Variants in DMC1 observed in about 807,000 individuals in gnomAD.
The protein encoded by DMC1 is meiotic recombination protein DMC1 homolog.
Under a neutral mutation model 50.1 loss-of-function variants are expected in DMC1, and 27 were observed. The ratio of observed to expected loss-of-function variants is 0.54; its 90% CI spans 0.40 to 0.74. The LOEUF is 0.74. DMC1 is among the 30% of genes least tolerant of loss of function. The pLI is 0.00. For missense variants in DMC1, 295 were observed against 420.2 expected, an observed-to-expected ratio of 0.70 and a Z score of 2.60; for synonymous variants, 148 against 136.1, an observed-to-expected ratio of 1.09 and a Z score of -0.61.
the DMC1 span, among the ~76,000 whole-genome samples, chr22:38,510,939 AT>A: frequency 6.6e-6 from 1 of 152,162 alleles, no homozygotes; most frequent in African/African-American, 2.4e-5. Flanking sequence ...ATTCTAACTG[AT>A]ACACTCCTCA....
chr22:38,530,289 A>G (rs1184672483), intron 12 of DMC1, among the ~76,000 whole-genome samples: 1 of 151,918 alleles, frequency 6.6e-6, no homozygotes, highest in Non-Finnish European at 1.5e-5. Flanking sequence ...TTTTGGGAAG[A>G]TGGGGGAAAG....
At chr22:38,561,364 C>CT in intron 5 of DMC1, among the ~76,000 whole-genome samples, 1 of 151,980 alleles carries the variant, frequency 6.6e-6, no homozygotes, top group East Asian at 1.9e-4. Flanking sequence ...GACTCCATCT[C>CT]TTTTTTCCTC....
At chr22:38,556,208 T>C (rs2090467940) in intron 5 of DMC1, among the ~76,000 whole-genome samples, 1 of 152,162 alleles carries the variant, frequency 6.6e-6, no homozygotes, top group African/African-American at 2.4e-5. Context: ...TCAATGTTTT[T>C]TCTTTTTCTT....
intron 12 of DMC1, among the ~76,000 whole-genome samples, chr22:38,532,024 C>T (rs963994581): frequency 5.3e-5 from 8 of 152,168 alleles, no homozygotes; most frequent in Admixed American, 5.2e-4. Flanking sequence ...TGTTCCCTCC[C>T]GACACCTGAA....
At chr22:38,560,865 ATTATT>A (rs1209010745) in intron 5 of DMC1, among the ~76,000 whole-genome samples, 2 of 152,130 alleles carry the variant, frequency 1.3e-5, no homozygotes, top group African/African-American at 4.8e-5. Flanking sequence ...CCCTTCCCAT[ATTATT>A]TTAAGCATAT....
At chr22:38,545,471 G>A (rs988574689) in intron 8 of DMC1, among the ~76,000 whole-genome samples, 22 of 151,990 alleles carry the variant, frequency 1.4e-4, no homozygotes, top group African/African-American at 1.4e-4. Context: ...CGCCCAGGCC[G>A]GACTGCAGTG....
intron 12 of DMC1, among the ~76,000 whole-genome samples, chr22:38,535,492 T>C (rs1269489522): frequency 2.0e-5 from 3 of 151,798 alleles, no homozygotes; most frequent in African/African-American, 7.3e-5. Context: ...CCTAGATAAA[T>C]GAGTATGTCT....
intron 12 of DMC1, among the ~76,000 whole-genome samples, chr22:38,529,149 T>C (rs541456074): frequency 2.5e-4 from 38 of 152,284 alleles, no homozygotes; most frequent in African/African-American, 8.9e-4. Flanking sequence ...TAGCTGGGAC[T>C]ACAGGCGTGT....
intron 2 of DMC1, 88 bp downstream of exon 2, chr22:38,568,118 G>A: frequency 8.5e-7 from 1 of 1,182,334 alleles, no homozygotes. Context: ...TCTACTTTCA[G>A]CTTCTAAAAA....
intron 8 of DMC1, among the ~76,000 whole-genome samples, 193 bp from the exon 9 acceptor site, chr22:38,539,605 T>C (rs929793763): frequency 6.6e-6 from 1 of 152,198 alleles, no homozygotes. Context: ...CAACTTACCA[T>C]AGGTAGTGAT....
At chr22:38,568,545 T>C in intron 1 of DMC1, 1 of 493,928 alleles carries the variant, frequency 2.0e-6, no homozygotes, top group Non-Finnish European at 3.7e-6. Context: ...TTTAGTTTCT[T>C]CTCTTTCCCC....
intron 12 of DMC1, among the ~76,000 whole-genome samples, chr22:38,534,874 C>T (rs1417172916): frequency 6.6e-6 from 1 of 151,008 alleles, no homozygotes; most frequent in Non-Finnish European, 1.5e-5. Flanking sequence ...GGGTGGTTGG[C>T]AGGTGCCTGT....
chr22:38,543,040 T>G (rs1666923290), intron 8 of DMC1, among the ~76,000 whole-genome samples: 1 of 152,122 alleles, frequency 6.6e-6, no homozygotes, highest in African/African-American at 2.4e-5. Context: ...TCTCACCATA[T>G]ACAAAAATCA....
intron 12 of DMC1, among the ~76,000 whole-genome samples, chr22:38,532,729 C>T (rs1268272984): frequency 2.0e-5 from 3 of 151,656 alleles, no homozygotes; most frequent in Non-Finnish European, 4.4e-5. Flanking sequence ...AAGCAATCCT[C>T]CTGCCTCAGC....
intron 12 of DMC1, 35 bp from the exon 13 acceptor site, chr22:38,521,759 T>C (rs367848894): frequency 1.4e-6 from 2 of 1,408,224 alleles, no homozygotes; most frequent in Admixed American, 1.7e-5. Flanking sequence ...GGTTTCATCA[T>C]ATGGACTATA....
chr22:38,550,937 A>G (rs922477224), intron 7 of DMC1, among the ~76,000 whole-genome samples: 2 of 145,728 alleles, frequency 1.4e-5, no homozygotes, highest in African/African-American at 5.1e-5. Context: ...TCTCAAAAAA[A>G]AAAAAAAAAA....
In DMC1 at chr22:38,537,666, T is replaced by G. The variant is rs778425917; in HGVS notation, c.776-14A>C. ...CCACGTTATATTCTGCATCAAGAGA[T>G]AAAATTTTAAAACTATGAGAAAGGC... is the stretch of plus-strand genomic sequence containing the variant. On this transcript the variant is annotated splice_polypyrimidine_tract_variant and intron_variant, in intron 11 of 13. Coordinates refer to ENST00000216024, the MANE Select transcript of DMC1 (RefSeq NM_007068.4). The G allele has an allele frequency of 5.0e-6, 8 of 1,609,248 alleles. No homozygotes were observed. Among genetic ancestry groups the G allele is most frequent in the African/African-American group, 1.3e-5 (1 of 74,824 alleles).
At chr22:38,546,582 C>G (rs549703301) in intron 8 of DMC1, among the ~76,000 whole-genome samples, 10 of 152,270 alleles carry the variant, frequency 6.6e-5, no homozygotes, top group Admixed American at 6.5e-4. Flanking sequence ...TCAGAGACTT[C>G]TTATGCCTGG....
At chr22:38,531,586 C>T (rs1184818480) in intron 12 of DMC1, among the ~76,000 whole-genome samples, 1 of 152,034 alleles carries the variant, frequency 6.6e-6, no homozygotes, top group African/African-American at 2.4e-5. Context: ...TTAAAATTGT[C>T]CTTTTTTTTC....
Sources: allele counts gnomAD v4.1 joint callset (sites outside exome capture counted in the v4.1 genomes callset), GRCh38; gene constraint gnomAD v4.1.1; transcripts MANE v1.5; gene names NCBI Gene and HGNC (gene_info 2026-07-23, HGNC 2026-07-21).